The following PATJ variants were observed in gnomAD, a reference collection of about 807,000 sequenced individuals.
The protein encoded by PATJ is inaD-like protein.
A neutral mutation model predicts 224.9 loss-of-function variants in PATJ; 190 were observed. That is an observed-to-expected ratio of 0.84 (90% CI 0.75 to 0.95). The LOEUF (loss-of-function observed/expected upper bound fraction) is 0.95. PATJ is among the 40% of genes least tolerant of loss of function. The pLI is 0.00. For missense variants in PATJ, 2,121 were observed against 2,270.3 expected (o/e 0.93, Z 1.34); for synonymous variants, 769 against 820.3 (o/e 0.94, Z 1.07).
intron 43 of PATJ, among the ~76,000 whole-genome samples, chr1:62,158,257 A>G (rs1669447480): frequency 6.7e-6 from 1 of 149,460 alleles, no homozygotes; most frequent in East Asian, 1.9e-4. Context: ...CGGCATTGGT[A>G]AAGTAGGAGA....
chr1:61,937,673 G>A (rs1448931287), intron 27 of PATJ, among the ~76,000 whole-genome samples: 4 of 134,864 alleles, frequency 3.0e-5, no homozygotes, highest in African/African-American at 5.3e-5. Context: ...TTTTTGAGAC[G>A]GAGCGTTGCT....
At chr1:61,964,308 C>T (rs1043347371) in intron 27 of PATJ, among the ~76,000 whole-genome samples, 2 of 151,966 alleles carry the variant, frequency 1.3e-5, no homozygotes, top group African/African-American at 4.8e-5. Context: ...TCTCAAACTC[C>T]TGACCTCAGG....
chr1:61,928,973 A>G (rs967918308), intron 27 of PATJ, among the ~76,000 whole-genome samples: 2 of 152,244 alleles, frequency 1.3e-5, no homozygotes, highest in Admixed American at 1.3e-4. Flanking sequence ...TGAGTCTGCT[A>G]TGAAGTGAAT....
chr1:61,768,886 C>T (rs977517342), intron 4 of PATJ, among the ~76,000 whole-genome samples: 14 of 150,868 alleles, frequency 9.3e-5, no homozygotes, highest in African/African-American at 2.4e-4. Context: ...GGCAACAGAG[C>T]GAGACCCTGT....
intron 17 of PATJ, among the ~76,000 whole-genome samples, chr1:61,848,823 C>G (rs1429089343): frequency 6.6e-6 from 1 of 152,168 alleles, no homozygotes; most frequent in Middle Eastern, 3.2e-3. Flanking sequence ...TAACTTAATA[C>G]TCCTTAGTTC....
intron 42 of PATJ, among the ~76,000 whole-genome samples, chr1:62,149,984 T>A (rs1668460769): frequency 6.6e-6 from 1 of 152,166 alleles, no homozygotes. Context: ...TAGGCACAAT[T>A]ATAAGGGTCT....
At chr1:61,769,489 G>C in intron 5 of PATJ, 67 bp downstream of exon 5, 1 of 1,500,134 alleles carries the variant, frequency 6.7e-7, no homozygotes, top group East Asian at 2.3e-5. Flanking sequence ...ATTATAAAGA[G>C]AGTGAAAAAC....
chr1:61,768,464 C>T (rs181947531), intron 4 of PATJ, among the ~76,000 whole-genome samples: 80 of 94,538 alleles, frequency 8.5e-4, no homozygotes, highest in African/African-American at 2.8e-3. Flanking sequence ...AGTGAGACTC[C>T]GTCTCAAAAA....
At chr1:61,841,324 T>A (rs1361372007) in intron 17 of PATJ, among the ~76,000 whole-genome samples, 1 of 152,190 alleles carries the variant, frequency 6.6e-6, no homozygotes, top group African/African-American at 2.4e-5. Flanking sequence ...GTATATAGTT[T>A]TCAATAGCCT....
chr1:61,878,363 G>T (rs1159807157), intron 21 of PATJ, among the ~76,000 whole-genome samples: 1 of 152,098 alleles, frequency 6.6e-6, no homozygotes, highest in East Asian at 1.9e-4. Context: ...ATGGGGGAAA[G>T]GTAACTGAGA....
chr1:62,157,459 G>A (rs886991861), intron 43 of PATJ, among the ~76,000 whole-genome samples: 2 of 148,038 alleles, frequency 1.4e-5, no homozygotes, highest in South Asian at 2.3e-4. Flanking sequence ...GCGTATAGAA[G>A]TTGAGAGACT....
At chr1:61,903,068 C>T (rs751189483) in intron 24 of PATJ, among the ~76,000 whole-genome samples, 6 of 152,254 alleles carry the variant, frequency 3.9e-5, no homozygotes, top group Non-Finnish European at 7.4e-5. Context: ...AGCCACATCA[C>T]GTAGATCCTG....
chr1:62,124,209 A>G (rs1272470541), intron 39 of PATJ, among the ~76,000 whole-genome samples: 1 of 152,030 alleles, frequency 6.6e-6, no homozygotes, highest in Non-Finnish European at 1.5e-5. Context: ...CAGCCTCCCA[A>G]GTAGCTGAGA....
intron 7 of PATJ, among the ~76,000 whole-genome samples, chr1:61,777,703 C>CTTTTTTTT (rs66470863): frequency 3.5e-4 from 17 of 48,742 alleles, no homozygotes; most frequent in African/African-American, 1.1e-3. Flanking sequence ...TTCTTTCTTT[C>CTTTTTTTT]TTTTTTTTTT....
rs1284483252 is a variant in PATJ, at chr1:62,125,264, C to CA, written c.5043+2216dup. ...AAAAAAAAAAAAAAACAAAAAAAAA[C>CA]AAAAAAAAAACGCCATTAGCTCTAT... On this transcript the variant is annotated intron_variant, in intron 39 of 43. Coordinates refer to ENST00000642238, the MANE Select transcript of PATJ (RefSeq NM_001350145.3). Among the ~76,000 whole-genome samples the CA allele has an allele frequency of 2.2e-3, 141 of 64,218 alleles. 8 individuals are homozygous for CA. Among genetic ancestry groups the CA allele is most frequent in the East Asian group, 7.7e-3 (17 of 2,206 alleles). The allele number at this position is 64,218 out of a possible 152,430, so 42.1% of individuals were successfully genotyped here.
chr1:62,139,296 G>A (rs1297231455), intron 41 of PATJ, among the ~76,000 whole-genome samples: 1 of 151,034 alleles, frequency 6.6e-6, no homozygotes, highest in Non-Finnish European at 1.5e-5. Flanking sequence ...AGCTACTTGG[G>A]TGGCTGAGGC....
intron 21 of PATJ, among the ~76,000 whole-genome samples, chr1:61,881,457 C>T (rs1180497469): frequency 7.0e-6 from 1 of 142,746 alleles, no homozygotes; most frequent in Non-Finnish European, 1.5e-5. Flanking sequence ...GTCACTCAGG[C>T]TGGAAGTGCA....
chr1:61,865,392 GT>G lies in PATJ; in HGVS notation c.2835+769del, dbSNP rs1042535873. Reference sequence around the variant, plus strand: ...TGTACCACCATGCCTGGCTAGTTTTGTTTTTTTTTTAAATTTTTTTGTAGAG... The same window carrying G: ...TGTACCACCATGCCTGGCTAGTTTTGTTTTTTTTTAAATTTTTTTGTAGAG... On this transcript the variant is annotated intron_variant, in intron 20 of 43. Coordinates refer to ENST00000642238, the MANE Select transcript of PATJ (RefSeq NM_001350145.3). 208 of 144,584 alleles carry G rather than the reference GT, an allele frequency of 1.4e-3. 1 individual carries two copies. Among genetic ancestry groups the G allele is most frequent in the African/African-American group, 5.1e-3 (199 of 39,320 alleles). The allele number at this position is 144,584 out of a possible 1,614,324, so 9.0% of individuals were successfully genotyped here. A position where few individuals can be genotyped will look rare whatever the true frequency, so the allele number is the denominator to read the frequency against.
At chr1:61,914,738 T>C in intron 26 of PATJ, 74 bp downstream of exon 26, 3 of 891,508 alleles carry the variant, frequency 3.4e-6, no homozygotes, top group Non-Finnish European at 5.3e-6. Flanking sequence ...ATCTGGGCTA[T>C]AATAGAAGTG....
Sources: allele counts gnomAD v4.1 joint callset (sites outside exome capture counted in the v4.1 genomes callset), GRCh38; gene constraint gnomAD v4.1.1; transcripts MANE v1.5; gene names NCBI Gene and HGNC (gene_info 2026-07-23, HGNC 2026-07-21).